The following ATF7 variants were observed in gnomAD, a reference collection of about 807,000 sequenced individuals.
ATF7 encodes activating transcription factor 7.
Under a neutral mutation model 50.4 loss-of-function variants are expected in ATF7, and 10 were observed. The ratio of observed to expected loss-of-function variants is 0.20; its 90% confidence interval spans 0.12 to 0.34. ATF7 has a LOEUF of 0.34. Ranked by LOEUF, ATF7 falls within the 10% of genes least tolerant of loss-of-function variation. The pLI is 1.00. For missense variants in ATF7, 465 were observed against 613.9 expected (o/e 0.76, Z 2.56); for synonymous variants, 201 against 226.4 (o/e 0.89, Z 1.01).
intron 2 of ATF7, among the ~76,000 whole-genome samples, chr12:53,592,136 G>A (rs1942970629): frequency 6.6e-6 from 1 of 152,168 alleles, no homozygotes; most frequent in Admixed American, 6.5e-5. Context: ...AGTCACACAG[G>A]GCACATGGTG....
At chr12:53,605,246 A>G (rs2137844649) in intron 1 of ATF7, among the ~76,000 whole-genome samples, 1 of 152,174 alleles carries the variant, frequency 6.6e-6, no homozygotes, top group African/African-American at 2.4e-5. Flanking sequence ...AACATTAGCC[A>G]GGCATGGTGG....
chr12:53,570,296 G>A (rs1356545676), intron 2 of ATF7, among the ~76,000 whole-genome samples: 5 of 152,078 alleles, frequency 3.3e-5, no homozygotes, highest in African/African-American at 9.7e-5. Context: ...AAACCAGGAA[G>A]TGCTAATGGG....
At chr12:53,532,409 C>T in intron 8 of ATF7, 101 bp downstream of exon 8, 3 of 944,354 alleles carry the variant, frequency 3.2e-6, no homozygotes, top group East Asian at 2.7e-5. Context: ...GCTTTGCAAG[C>T]CCCAGAAGGT....
chr12:53,541,409 A>G (rs1939543794), intron 4 of ATF7, among the ~76,000 whole-genome samples: 1 of 152,204 alleles, frequency 6.6e-6, no homozygotes, highest in South Asian at 2.1e-4. Flanking sequence ...TTTTAAAAAT[A>G]GTGACCAATA....
chr12:53,564,601 CT>C (rs1355972839), intron 2 of ATF7, among the ~76,000 whole-genome samples: 5 of 152,106 alleles, frequency 3.3e-5, no homozygotes, highest in African/African-American at 1.2e-4. Flanking sequence ...TGGATTCCTC[CT>C]TTAAAAAATC....
At chr12:53,564,848 C>T (rs185756116) in intron 2 of ATF7, among the ~76,000 whole-genome samples, 5 of 152,218 alleles carry the variant, frequency 3.3e-5, no homozygotes, top group Admixed American at 2.6e-4. Flanking sequence ...AACATAAATT[C>T]GTAAGCTTTC....
At chr12:53,602,064 G>A (rs1943429000) in intron 1 of ATF7, among the ~76,000 whole-genome samples, 2 of 152,124 alleles carry the variant, frequency 1.3e-5, no homozygotes, top group African/African-American at 2.4e-5. Context: ...GCAAATCATA[G>A]TAAAAAACAA....
intron 2 of ATF7, among the ~76,000 whole-genome samples, chr12:53,586,909 G>C (rs552659076): frequency 1.4e-4 from 22 of 152,296 alleles, no homozygotes; most frequent in Admixed American, 5.2e-4. Context: ...GATCATTTTG[G>C]TCAGTTACAA....
At position 53,534,656 on chromosome 12, in the gene ATF7, C is replaced by T; in HGVS notation, c.406G>A (p.Val136Ile). 4 of 1,609,900 alleles carry T rather than the reference C, an allele frequency of 2.5e-6. No individual in the cohort carries two copies. Among genetic ancestry groups the T allele is most frequent in the Non-Finnish European group, 3.4e-6 (4 of 1,178,810 alleles). Residue 136 changes from valine to isoleucine, a missense_variant, in exon 6 of 12, where the codon GTT becomes ATT. Val to Ile is a conservative substitution (Grantham distance 29, BLOSUM62 3). Coordinates refer to ENST00000420353, the MANE Select transcript of ATF7 (RefSeq NM_006856.3). ...PCSPPLKEKE[V>I]TPKPVLISTP... ...GAGATCAGAACAGGCTTTGGGGTAACCTCCTGGAGAAAAGAAACCAACAGA... is the reference window on the plus strand; with the variant it reads ...GAGATCAGAACAGGCTTTGGGGTAATCTCCTGGAGAAAAGAAACCAACAGA...
intron 1 of ATF7, among the ~76,000 whole-genome samples, chr12:53,623,004 G>A (rs759889195): frequency 8.7e-4 from 133 of 152,282 alleles, no homozygotes; most frequent in South Asian, 1.9e-3. Flanking sequence ...GCAACATAGC[G>A]AGACCCTGTC....
At chr12:53,579,605 T>C (rs1942292169) in intron 2 of ATF7, among the ~76,000 whole-genome samples, 1 of 150,572 alleles carries the variant, frequency 6.6e-6, no homozygotes, top group South Asian at 2.1e-4. Flanking sequence ...GAGGAAGAGA[T>C]GGTCACTGTC....
chr12:53,606,613 T>C (rs1052708573), intron 1 of ATF7, among the ~76,000 whole-genome samples: 4 of 151,948 alleles, frequency 2.6e-5, no homozygotes, highest in African/African-American at 7.3e-5. Flanking sequence ...GTGCACAACG[T>C]GCAGGTTTGT....
At position 53,553,164 on chromosome 12, in the gene ATF7, G is replaced by A. The variant is rs190520511; in HGVS notation, c.49-527C>T. On this transcript the variant is annotated intron_variant, in intron 2 of 11. Transcript: ENST00000420353. Reference sequence around the variant, plus strand: ...TGGCCCCTACAGTGCTGCAGCAGGCGCCTGCATGGCTATTTGGCTCAGAGT... The same window carrying A: ...TGGCCCCTACAGTGCTGCAGCAGGCACCTGCATGGCTATTTGGCTCAGAGT... Among the ~76,000 whole-genome samples, 276 of 152,240 alleles carry A rather than the reference G, an allele frequency of 1.8e-3. 2 individuals carry two copies. Among genetic ancestry groups the A allele is most frequent in the South Asian group, 3.3e-3 (16 of 4,826 alleles).
chr12:53,509,302 A>T (rs927125000), downstream of ATF7, among the ~76,000 whole-genome samples: 8 of 152,086 alleles, frequency 5.3e-5, no homozygotes, highest in Non-Finnish European at 1.2e-4. Flanking sequence ...TGATTGCCTC[A>T]TGTGCCCCAG....
chr12:53,525,962 G>C (rs1938427038), intron 9 of ATF7, among the ~76,000 whole-genome samples: 1 of 152,170 alleles, frequency 6.6e-6, no homozygotes, highest in Non-Finnish European at 1.5e-5. Flanking sequence ...TGTAATCCCA[G>C]CACTTTGGGA....
At chr12:53,606,767 T>C (rs1387762895) in intron 1 of ATF7, among the ~76,000 whole-genome samples, 1 of 132,320 alleles carries the variant, frequency 7.6e-6, no homozygotes, top group African/African-American at 2.9e-5. Flanking sequence ...CCTGTGTCCA[T>C]GTGTTCTCAT....
At position 53,614,650 on chromosome 12, in the gene ATF7, G is replaced by A. The variant is rs142706563; in HGVS notation, c.-22+11629C>T. On this transcript the variant is annotated intron_variant, in intron 1 of 11. Coordinates refer to ENST00000420353, the MANE Select transcript of ATF7 (RefSeq NM_006856.3). ...TCAGGAAAAAATATTTATTTCCTAA[G>A]TCTGTCCACATATTTTCAACAGTGA... 2.0e-3 allele frequency among the ~76,000 whole-genome samples: 309 copies of A among 152,292 alleles called. 1 individual carries two copies. The highest frequency in any genetic ancestry group is 7.1e-3 in the African/African-American group (297 of 41,556).
intron 1 of ATF7, among the ~76,000 whole-genome samples, chr12:53,623,501 C>T (rs1391818008): frequency 6.6e-6 from 1 of 152,194 alleles, no homozygotes; most frequent in African/African-American, 2.4e-5. Flanking sequence ...CTCAAAGAAA[C>T]ACCTGTACCT....
intron 2 of ATF7, among the ~76,000 whole-genome samples, chr12:53,599,905 G>A (rs1341917529): frequency 6.6e-6 from 1 of 151,674 alleles, no homozygotes; most frequent in Non-Finnish European, 1.5e-5. Flanking sequence ...GTGGAACATG[G>A]CAATAGAGGA....
Sources: allele counts gnomAD v4.1 joint callset (sites outside exome capture counted in the v4.1 genomes callset), GRCh38; gene constraint gnomAD v4.1.1; transcripts MANE v1.5; gene names NCBI Gene and HGNC (gene_info 2026-07-23, HGNC 2026-07-21).